Variants in RAD21 observed in about 807,000 individuals in gnomAD.
RAD21 encodes the protein double-strand-break repair protein rad21 homolog.
Under a neutral mutation model 71.5 loss-of-function variants are expected in RAD21, and 18 were observed. That is an observed-to-expected ratio of 0.25 (90% CI 0.17 to 0.37). The LOEUF is 0.37. Among genes scored for constraint, RAD21 ranks in the 10% least tolerant of loss-of-function variants. RAD21 has a pLI of 1.00. For missense variants in RAD21, 493 were observed against 769.1 expected, an observed-to-expected ratio of 0.64 and a Z score of 4.25; for synonymous variants, 248 against 254.0, an observed-to-expected ratio of 0.98 and a Z score of 0.22.
chr8:116,866,670 C>A lies in RAD21; in HGVS notation c.60G>T (p.Ala20=). 1.2e-6 allele frequency: 2 copies of A among 1,613,446 alleles called. No individual in the cohort carries two copies. The highest frequency in any genetic ancestry group is 1.1e-5 in the South Asian group (1 of 90,946). ...TGGTTAGCTTCTTATCCCAATGGGCCGCTAGCCAAATTTTGGCCAGAGGCC... is the reference window on the plus strand; with the variant it reads ...TGGTTAGCTTCTTATCCCAATGGGCAGCTAGCCAAATTTTGGCCAGAGGCC... ...KRGPLAKIWL[A]AHWDKKLTKA... Residue 20 remains alanine (A), a synonymous_variant, in exon 2 of 14, where the codon GCG becomes GCT. Coordinates refer to ENST00000297338, the MANE Select transcript of RAD21 (RefSeq NM_006265.3).
chr8:116,869,580 G>A (rs1358749608), intron 1 of RAD21, among the ~76,000 whole-genome samples: 7 of 151,646 alleles, frequency 4.6e-5, no homozygotes, highest in Non-Finnish European at 1.0e-4. Context: ...GCAAGACTCT[G>A]TATAAAAAGA....
Position 116,847,585 on chromosome 8 carries a change from T to C in RAD21, c.1811A>G (p.Lys604Arg), listed in dbSNP as rs367562161. ...AAKFYSFLVL[K>R]KQQAIELTQE... ...TGTCAGCTCAATAGCTTGCTGCTTT[T>C]TAAGAACCAAGAAGCTGTAGAACTT... is the stretch of plus-strand genomic sequence containing the variant. The change falls in exon 14 of 14, where the codon AAA (lysine) becomes AGA (arginine). Residue 604 changes from lysine to arginine, a missense_variant. Physicochemically the swap from Lys to Arg is conservative, Grantham distance 26. Transcript: ENST00000297338. 19 of 1,614,046 alleles carry C rather than the reference T, an allele frequency of 1.2e-5. No homozygotes were observed. The highest frequency in any genetic ancestry group is 3.3e-5 in the Admixed American group (2 of 60,002).
At chr8:116,859,346 T>G (rs891292522) in intron 4 of RAD21, among the ~76,000 whole-genome samples, 4 of 152,084 alleles carry the variant, frequency 2.6e-5, no homozygotes, top group Admixed American at 1.3e-4. Flanking sequence ...ATTTAAAAAT[T>G]TTTCATTATT....
intron 2 of RAD21, among the ~76,000 whole-genome samples, 168 bp downstream of exon 2, chr8:116,866,418 A>T (rs893695863): frequency 6.6e-6 from 1 of 152,194 alleles, no homozygotes; most frequent in Non-Finnish European, 1.5e-5. Context: ...ATCTGTAATC[A>T]TATCAAGTCT....
rs35902828 is a variant in RAD21 at position 116,856,292 on chromosome 8, TAAAAAAAAAAA to T, written c.815-15_815-5del. On this transcript the variant is annotated splice_polypyrimidine_tract_variant and splice_region_variant and intron_variant, in intron 7 of 13. Coordinates refer to ENST00000297338, the MANE Select transcript of RAD21 (RefSeq NM_006265.3). ...TCAGGACTATCAGGCCCACCCACTG[TAAAAAAAAAAA>T]AAAAAAAAAAAAGTCACAAAAAGCT... 177 of 1,175,588 alleles carry T rather than the reference TAAAAAAAAAAA, an allele frequency of 1.5e-4. No homozygotes were observed. In the African/African-American group the frequency reaches 3.0e-3, roughly 20 times the overall value. The allele number at this position is 1,175,588 out of a possible 1,614,324, so 72.8% of individuals were successfully genotyped here.
At chr8:116,852,191 CATA>C (rs765884899) in intron 10 of RAD21, 95 bp from the exon 11 acceptor site, 15 of 1,140,356 alleles carry the variant, frequency 1.3e-5, no homozygotes, top group Non-Finnish European at 1.7e-5. Flanking sequence ...CTAAGACATA[CATA>C]ATGCTTTCTT....
chr8:116,856,092 T>C, intron 8 of RAD21, 74 bp downstream of exon 8: 2 of 1,506,312 alleles, frequency 1.3e-6, no homozygotes, highest in East Asian at 2.4e-5. Context: ...CAGTAGCAGA[T>C]CAGTAGACAG....
At chr8:116,848,411 A>G (rs1455060670) in intron 13 of RAD21, among the ~76,000 whole-genome samples, 2 of 151,436 alleles carry the variant, frequency 1.3e-5, no homozygotes, top group East Asian at 3.8e-4. Context: ...TCTAGCACTT[A>G]TAGTTTTTAA....
chr8:116,866,043 C>A (rs1202084449), intron 2 of RAD21, among the ~76,000 whole-genome samples: 1 of 152,108 alleles, frequency 6.6e-6, no homozygotes, highest in Non-Finnish European at 1.5e-5. Context: ...ATTATACTAT[C>A]ATGCAAAACA....
chr8:116,850,280 T>C (rs1353659605), intron 12 of RAD21, among the ~76,000 whole-genome samples: 1 of 152,098 alleles, frequency 6.6e-6, no homozygotes, highest in African/African-American at 2.4e-5. Flanking sequence ...GAAAAGGTTA[T>C]ATCAGAAGCA....
chr8:116,858,244 C>A, intron 5 of RAD21, 108 bp downstream of exon 5: 1 of 779,906 alleles, frequency 1.3e-6, no homozygotes. Context: ...AAATGCATTA[C>A]ATGAAATTTT....
At chr8:116,857,513 G>C (rs753103514) in intron 5 of RAD21, 40 bp from the exon 6 acceptor site, 2 of 1,516,202 alleles carry the variant, frequency 1.3e-6, no homozygotes, top group Non-Finnish European at 1.8e-6. Context: ...AGAAAGATTA[G>C]AAATAGCACT....
At chr8:116,870,159 C>T (rs1399653030) in intron 1 of RAD21, among the ~76,000 whole-genome samples, 2 of 151,952 alleles carry the variant, frequency 1.3e-5, no homozygotes, top group Non-Finnish European at 1.5e-5. Flanking sequence ...AAAACTTTTC[C>T]TCAAAAGAAA....
At chr8:116,868,910 G>A (rs905448161) in intron 1 of RAD21, among the ~76,000 whole-genome samples, 2 of 138,384 alleles carry the variant, frequency 1.4e-5, no homozygotes, top group African/African-American at 5.4e-5. Flanking sequence ...CTGAAGACCA[G>A]AAAACATGCA....
chr8:116,856,587 A>G (rs1181336750), intron 7 of RAD21, 59 bp downstream of exon 7: 1 of 1,498,276 alleles, frequency 6.7e-7, no homozygotes, highest in African/African-American at 1.4e-5. Context: ...CTTCTATGGT[A>G]AGTATCTTTC....
At chr8:116,867,945 C>G (rs1179880398) in intron 1 of RAD21, among the ~76,000 whole-genome samples, 2 of 152,190 alleles carry the variant, frequency 1.3e-5, no homozygotes, top group African/African-American at 2.4e-5. Context: ...AAAAGATACA[C>G]AGCTATTCCA....
chr8:116,868,209 T>C (rs763011787), intron 1 of RAD21, among the ~76,000 whole-genome samples: 1 of 152,186 alleles, frequency 6.6e-6, no homozygotes, highest in African/African-American at 2.4e-5. Flanking sequence ...ACACTGGACT[T>C]AATTTTGTTG....
At chr8:116,851,281 C>T (rs1812343280) in intron 11 of RAD21, 1 of 152,384 alleles carries the variant, frequency 6.6e-6, no homozygotes, top group Non-Finnish European at 1.5e-5. Flanking sequence ...CTACTCATTA[C>T]TGTGTTCCTA....
At chr8:116,852,132 T>C (rs748870946) in intron 10 of RAD21, 36 bp from the exon 11 acceptor site, 1 of 1,571,544 alleles carries the variant, frequency 6.4e-7, no homozygotes, top group South Asian at 1.1e-5. Flanking sequence ...ACATAGGTCA[T>C]ACAGTTTTGA....
Sources: gnomAD v4.1 joint callset for allele counts (sites outside exome capture counted in the v4.1 genomes callset) on GRCh38, gnomAD v4.1.1 for gene constraint, MANE v1.5 for transcripts, NCBI Gene and HGNC (gene_info 2026-07-23, HGNC 2026-07-21) for gene names.